Variants in CPNE7 observed in about 807,000 individuals in gnomAD.
CPNE7 encodes copine-7.
A neutral mutation model predicts 66.5 loss-of-function variants in CPNE7; 78 were observed. The ratio of observed to expected loss-of-function variants is 1.17; its 90% confidence interval spans 0.98 to 1.42. CPNE7 has a LOEUF of 1.42. Among genes scored for constraint, CPNE7 ranks in the 40% most tolerant of loss-of-function variants. The pLI is 0.00. For missense variants in CPNE7, 1,012 were observed against 776.6 expected (o/e 1.30, Z -3.60); for synonymous variants, 468 against 336.7 (o/e 1.39, Z -4.27).
At chr16:89,593,029 C>G (rs2059199078) in intron 13 of CPNE7, among the ~76,000 whole-genome samples, 2 of 151,540 alleles carry the variant, frequency 1.3e-5, no homozygotes, top group South Asian at 4.2e-4. Flanking sequence ...CCAGGCTGGT[C>G]TCAAACTCCT....
chr16:89,580,607 CGCTGACACGGAACATCTCACCT>C (rs2058939024), intron 2 of CPNE7, among the ~76,000 whole-genome samples: 1 of 85,008 alleles, frequency 1.2e-5, no homozygotes, highest in Non-Finnish European at 2.4e-5. Flanking sequence ...TCCCGTCACC[CGCTGACACGGAACATCTCACCT>C]GTCACACGGA....
chr16:89,585,646 G>A (rs373358147), intron 6 of CPNE7, 41 bp from the exon 7 acceptor site: 33 of 1,554,582 alleles, frequency 2.1e-5, no homozygotes, highest in African/African-American at 1.4e-5. Flanking sequence ...AGGGTCCTGG[G>A]GCCCCCAGAC....
In CPNE7 at chr16:89,585,436, C is replaced by A. The variant is rs2059018702; in HGVS notation, c.592-28C>A. 4 of 1,565,554 alleles carry A rather than the reference C, an allele frequency of 2.6e-6. No individual in the cohort carries two copies. The African/African-American group carries it at 5.4e-5, about 21-fold the overall frequency. On this transcript the variant is annotated intron_variant, in intron 5 of 14. Transcript: ENST00000319518. Reference sequence around the variant, plus strand: ...CAAGGATCCCAGGGCCCTGGGCCTCCCCTGAGCCAGCCCCTCCCGGCCCAC... The same window carrying A: ...CAAGGATCCCAGGGCCCTGGGCCTCACCTGAGCCAGCCCCTCCCGGCCCAC...
chr16:89,589,797 C>T (rs1317856764), intron 10 of CPNE7, 100 bp from the exon 11 acceptor site: 20 of 1,325,582 alleles, frequency 1.5e-5, no homozygotes, highest in East Asian at 2.4e-5. Flanking sequence ...GGCCTGGGCA[C>T]CCCCAGTCTT....
chr16:89,595,312 G>A, intron 13 of CPNE7, 55 bp from the exon 14 acceptor site: 1 of 1,444,382 alleles, frequency 6.9e-7, no homozygotes, highest in Non-Finnish European at 9.5e-7. Context: ...GGGTTGCAGG[G>A]CGCATGTGGG....
In CPNE7 at chr16:89,575,811, G is replaced by C; in HGVS notation, c.-87G>C. 1.0e-6 allele frequency: 1 copy of C among 999,188 alleles called. No individual in the cohort carries two copies. Among genetic ancestry groups the C allele is most frequent in the South Asian group, 4.8e-5 (1 of 20,756 alleles). 61.9% of individuals were successfully genotyped at this position (999,188 alleles called of 1,614,324 possible). On this transcript the variant is annotated 5_prime_UTR_variant, in exon 1 of 15. Coordinates refer to ENST00000319518, the MANE Select transcript of CPNE7 (RefSeq NM_153636.3). ...GGGAAGCGCGGCCACGCCTGGGCCG[G>C]CCACCATTTCCCGGGCGCCGCGGCG...
chr16:89,581,534 G>A (rs1394977669), intron 2 of CPNE7, among the ~76,000 whole-genome samples: 4 of 152,220 alleles, frequency 2.6e-5, no homozygotes, highest in Admixed American at 6.5e-5. Flanking sequence ...AGCCTCGGTC[G>A]GAGCTGGCGT....
chr16:89,590,375 A>AG lies in CPNE7; in HGVS notation c.1116+424_1116+425insG, dbSNP rs374508865. Among the ~76,000 whole-genome samples the AG allele has an allele frequency of 4.3e-4, 66 of 152,072 alleles. 1 individual carries two copies. Among genetic ancestry groups the AG allele is most frequent in the African/African-American group, 1.4e-3 (58 of 41,488 alleles). ...CCCCATCTCTACCAAAAATACAAAA[A>AG]TTAGCTGGGCGTGGTGGCACATGCT... On this transcript the variant is annotated intron_variant, in intron 11 of 14. Coordinates refer to ENST00000319518, the MANE Select transcript of CPNE7 (RefSeq NM_153636.3).
At chr16:89,595,270 A>G (rs2059235196) in intron 13 of CPNE7, 97 bp from the exon 14 acceptor site, 19 of 962,266 alleles carry the variant, frequency 2.0e-5, no homozygotes, top group South Asian at 1.9e-4. Flanking sequence ...GCTCTGACGC[A>G]CGGAGGCACT....
At chr16:89,592,874 G>A (rs191472807) in intron 13 of CPNE7, among the ~76,000 whole-genome samples, 5 of 135,416 alleles carry the variant, frequency 3.7e-5, no homozygotes, top group East Asian at 2.1e-4. Flanking sequence ...GTGCAGTGAC[G>A]TGATCTCGGC....
At position 89,577,620 on chromosome 16, in the gene CPNE7, G is replaced by A. The variant is rs764799215; in HGVS notation, c.256G>A (p.Val86Met). 7 of 1,571,386 alleles carry A rather than the reference G, an allele frequency of 4.5e-6. No individual in the cohort carries two copies. In the African/African-American group the frequency reaches 6.7e-5, roughly 15 times the overall value. ...VFTVDYYFEE[V>M]QRLRFEVYDT... is the part of the protein sequence containing the mutation. The stretch of plus-strand genomic sequence containing the variant: ...CACGGTGGACTACTACTTCGAGGAG[G>A]TGCAGAGGCTGCGCTTTGAGGTGTA... Residue 86 changes from valine (V) to methionine (M), a missense_variant, in exon 2 of 15, where the codon GTG (valine) becomes ATG (methionine). Coordinates refer to ENST00000319518, the MANE Select transcript of CPNE7 (RefSeq NM_153636.3).
rs57032352 is a variant in CPNE7, at chr16:89,594,642, CTTTTTTTTTTTTT to C, written c.1303-708_1303-696del. 2.9e-3 allele frequency among the ~76,000 whole-genome samples: 253 copies of C among 86,902 alleles called. 2 individuals are homozygous for C. The highest frequency in any genetic ancestry group is 0.01 in the African/African-American group (235 of 23,226). The allele number at this position is 86,902 out of a possible 152,430, so 57.0% of individuals were successfully genotyped here. On this transcript the variant is annotated intron_variant, in intron 13 of 14. Transcript: ENST00000319518. ...GATTTTATTTGAAGTTCCATTCTGC[CTTTTTTTTTTTTT>C]TTTTTTTTTTTTTTTTGGAGACAGT...
Position 89,591,226 on chromosome 16 carries a change from T to G in CPNE7, c.1268T>G (p.Val423Gly), listed in dbSNP as rs1464731596. ...VAPIISKVARVAAAEESTGKA... is the reference protein window; with the variant it reads ...VAPIISKVARGAAAEESTGKA... Reference sequence around the variant, plus strand: ...CCCATCATCTCCAAGGTGGCACGCGTGGCGGCGGCCGAGGAGAGCACCGGG... The same window carrying G: ...CCCATCATCTCCAAGGTGGCACGCGGGGCGGCGGCCGAGGAGAGCACCGGG... The change falls in exon 13 of 15, where the codon GTG becomes GGG. Residue 423 changes from valine (V) to glycine (G), a missense_variant. Transcript: ENST00000319518. 1 of 1,589,246 alleles carries G rather than the reference T, an allele frequency of 6.3e-7. No individual in the cohort carries two copies. The highest frequency in any genetic ancestry group is 2.3e-5 in the East Asian group (1 of 43,916).
At position 89,593,404 on chromosome 16, in the gene CPNE7, G is replaced by C. The variant is rs144850146; in HGVS notation, c.1303-1963G>C. Among the ~76,000 whole-genome samples the C allele has an allele frequency of 2.3e-3, 343 of 151,254 alleles. 5 individuals carry two copies. The highest frequency in any genetic ancestry group is 7.1e-3 in the East Asian group (36 of 5,106). On this transcript the variant is annotated intron_variant, in intron 13 of 14. Coordinates refer to ENST00000319518, the MANE Select transcript of CPNE7 (RefSeq NM_153636.3). ...AGTCTCGCTCTTCACCCAGGCTGGA[G>C]TGCAGTGGCGCGATCTTGGTTCACT... is the stretch of plus-strand genomic sequence containing the variant.
Position 89,591,221 on chromosome 16 carries a change from A to G in CPNE7, c.1263A>G (p.Ala421=). 6.3e-7 allele frequency: 1 copy of G among 1,590,670 alleles called. No homozygotes were observed. Among genetic ancestry groups the G allele is most frequent in the Non-Finnish European group, 8.6e-7 (1 of 1,168,656 alleles). ...TGGCGCCCATCATCTCCAAGGTGGC[A>G]CGCGTGGCGGCGGCCGAGGAGAGCA... is the stretch of plus-strand genomic sequence containing the variant. ...TNVAPIISKV[A]RVAAAEESTG... The change falls in exon 13 of 15, where the codon GCA becomes GCG. Residue 421 remains alanine (A), a synonymous_variant. Coordinates refer to ENST00000319518, the MANE Select transcript of CPNE7 (RefSeq NM_153636.3).
chr16:89,595,600 G>C lies in CPNE7; in HGVS notation c.1536G>C (p.Lys512Asn). The C allele has an allele frequency of 6.2e-7, 1 of 1,600,772 alleles. No individual in the cohort carries two copies. The highest frequency in any genetic ancestry group is 1.1e-5 in the South Asian group (1 of 90,404). The part of the protein sequence containing the change: ...IVQFVPFREL[K>N]NASPAALAKC... ...AGTTCGTGCCCTTCCGGGAGCTCAAGAACGTGAGTGTCCTGGAGGGGCTCC... is the reference window on the plus strand; with the variant it reads ...AGTTCGTGCCCTTCCGGGAGCTCAACAACGTGAGTGTCCTGGAGGGGCTCC... The change falls in exon 14 of 15, where the codon AAG becomes AAC. Residue 512 changes from lysine (K) to asparagine (N), a missense_variant. Coordinates refer to ENST00000319518, the MANE Select transcript of CPNE7 (RefSeq NM_153636.3).
chr16:89,588,567 A>T, intron 9 of CPNE7, 108 bp from the exon 10 acceptor site: 1 of 1,422,540 alleles, frequency 7.0e-7, no homozygotes, highest in Non-Finnish European at 9.6e-7. Context: ...CACCTACGCG[A>T]CCCCTGACCC....
intron 1 of CPNE7, 76 bp downstream of exon 1, chr16:89,576,147 C>A (rs1435225591): frequency 2.5e-5 from 30 of 1,195,518 alleles, no homozygotes; most frequent in Non-Finnish European, 3.1e-5. Context: ...GAGACCAGAG[C>A]GGGCGCGCTG....
intron 9 of CPNE7, among the ~76,000 whole-genome samples, chr16:89,588,208 G>GTGTCACCCACAGATACACGGCCCCCA (rs2059112879): frequency 1.4e-5 from 2 of 144,550 alleles, no homozygotes; most frequent in Non-Finnish European, 3.0e-5. Flanking sequence ...TGTCACCCGC[G>GTGTCACCCACAGATACACGGCCCCCA]TGTCACCCAC....
Sources: gnomAD v4.1 joint callset for allele counts (sites outside exome capture counted in the v4.1 genomes callset) on GRCh38, gnomAD v4.1.1 for gene constraint, MANE v1.5 for transcripts, NCBI Gene and HGNC (gene_info 2026-07-23, HGNC 2026-07-21) for gene names.